GRID2: variants seen among roughly 807,000 people sequenced by gnomAD.
GRID2 encodes the protein glutamate receptor ionotropic, delta-2.
A neutral mutation model predicts 114.8 loss-of-function variants in GRID2; 33 were observed. That is an observed-to-expected ratio of 0.29 (90% CI 0.22 to 0.38). GRID2 has a LOEUF of 0.38. GRID2 is among the 10% of genes least tolerant of loss of function. The pLI is 1.00. For synonymous variants in GRID2, 505 were observed against 449.9 expected, an observed-to-expected ratio of 1.12 and a Z score of -1.55; for missense variants, 1,184 against 1,257.7, an observed-to-expected ratio of 0.94 and a Z score of 0.89.
chr4:92,735,152 A>T (rs1415260524), intron 2 of GRID2, among the ~76,000 whole-genome samples: 1 of 152,074 alleles, frequency 6.6e-6, no homozygotes, highest in East Asian at 1.9e-4. Context: ...CCAATTTAAT[A>T]TTAATCCTTT....
intron 14 of GRID2, among the ~76,000 whole-genome samples, chr4:93,661,443 ACTC>A (rs1293822655): frequency 2.0e-5 from 3 of 152,024 alleles, no homozygotes; most frequent in African/African-American, 7.3e-5. Flanking sequence ...GCTGTCTGAT[ACTC>A]CTAAGTGCAA....
chr4:93,670,751 C>T (rs1724339755), intron 14 of GRID2, among the ~76,000 whole-genome samples: 2 of 152,166 alleles, frequency 1.3e-5, no homozygotes, highest in South Asian at 2.1e-4. Flanking sequence ...TTGTTAGTGA[C>T]ATGGTTGTTT....
intron 2 of GRID2, among the ~76,000 whole-genome samples, chr4:92,997,131 A>G (rs930658941): frequency 1.1e-4 from 16 of 152,176 alleles, no homozygotes; most frequent in Non-Finnish European, 1.8e-4. Flanking sequence ...TTAATAATTG[A>G]GATGTAGTAG....
intron 14 of GRID2, among the ~76,000 whole-genome samples, chr4:93,721,394 ATGTG>A (rs1258003755): frequency 6.6e-6 from 1 of 152,206 alleles, no homozygotes; most frequent in Non-Finnish European, 1.5e-5. Context: ...CAGGCTAACT[ATGTG>A]TGCAGGAAGA....
chr4:92,600,089 T>TATATATATATATA (rs1729154849), intron 2 of GRID2, among the ~76,000 whole-genome samples: 25 of 134,748 alleles, frequency 1.9e-4, no homozygotes, highest in Non-Finnish European at 2.7e-4. Flanking sequence ...TATATATATA[T>TATATATATATATA]TTCTCAGAAT....
intron 1 of GRID2, among the ~76,000 whole-genome samples, chr4:92,575,341 G>A (rs531297684): frequency 5.9e-5 from 9 of 152,308 alleles, no homozygotes; most frequent in Admixed American, 1.3e-4. Context: ...CCTCAGCCCA[G>A]TTCTGAGCCC....
Position 93,608,783 on chromosome 4 carries a change from TGTC to T in GRID2, c.2194-17485_2194-17483del, listed in dbSNP as rs1189513355. On this transcript the variant is annotated intron_variant, in intron 13 of 15. Coordinates refer to ENST00000282020, the MANE Select transcript of GRID2 (RefSeq NM_001510.4). ...GCCGCAATAAACATACGGGTGCATG[TGTC>T]TTTATAGCAGCATGATTTATAGTCA... Among the ~76,000 whole-genome samples the T allele has an allele frequency of 2.2e-5, 3 of 137,094 alleles. 1 individual carries two copies. The highest frequency in any genetic ancestry group is 4.9e-5 in the Non-Finnish European group (3 of 61,770). The allele number at this position is 137,094 out of a possible 152,430, so 89.9% of individuals were successfully genotyped here.
At chr4:92,466,179 A>G in intron 1 of GRID2, among the ~76,000 whole-genome samples, 1 of 151,890 alleles carries the variant, frequency 6.6e-6, no homozygotes, top group Admixed American at 6.6e-5. Context: ...TCAGATCAGG[A>G]TGCTTAGCAT....
At chr4:92,681,011 T>A (rs1261372480) in intron 2 of GRID2, among the ~76,000 whole-genome samples, 1 of 152,068 alleles carries the variant, frequency 6.6e-6, no homozygotes, top group Admixed American at 6.6e-5. Context: ...AATACCTATA[T>A]TTAAAGAATA....
intron 4 of GRID2, among the ~76,000 whole-genome samples, chr4:93,189,138 T>C (rs1740727079): frequency 6.6e-6 from 1 of 152,216 alleles, no homozygotes; most frequent in African/African-American, 2.4e-5. Context: ...TTTTAAGTTA[T>C]TTGTTATAGC....
At chr4:93,767,107 C>A (rs2110329246) in intron 14 of GRID2, among the ~76,000 whole-genome samples, 1 of 152,216 alleles carries the variant, frequency 6.6e-6, no homozygotes, top group Non-Finnish European at 1.5e-5. Flanking sequence ...ATTTCTTAAA[C>A]CTGTTACTTG....
chr4:93,341,327 A>AT lies in GRID2; in HGVS notation c.1246-54269dup, dbSNP rs5860327. ...TTTGTAGCCTCTTAGTCCTTCTACTATTTTTTTTTTTCTTTGAGACAGAGT... is the reference window on the plus strand; with the variant it reads ...TTTGTAGCCTCTTAGTCCTTCTACTATTTTTTTTTTTTCTTTGAGACAGAGT... On this transcript the variant is annotated intron_variant, in intron 8 of 15. Transcript: ENST00000282020. Among the ~76,000 whole-genome samples, 185 of 146,952 alleles carry AT rather than the reference A, an allele frequency of 1.3e-3. No individual in the cohort carries two copies. The East Asian group carries it at 0.019, about 15-fold the overall frequency.
intron 2 of GRID2, among the ~76,000 whole-genome samples, chr4:92,894,409 C>G (rs1422154446): frequency 6.6e-6 from 1 of 152,026 alleles, no homozygotes; most frequent in Non-Finnish European, 1.5e-5. Context: ...GGAGGATAGA[C>G]TATAAACCAA....
At chr4:92,979,181 CAAAA>C (rs908851373) in intron 2 of GRID2, among the ~76,000 whole-genome samples, 2 of 151,562 alleles carry the variant, frequency 1.3e-5, no homozygotes, top group Admixed American at 6.6e-5. Context: ...GCATTACTAA[CAAAA>C]AAACCTAAAA....
chr4:92,852,247 AG>A (rs1243284715), intron 2 of GRID2, among the ~76,000 whole-genome samples: 1 of 151,818 alleles, frequency 6.6e-6, no homozygotes, highest in Admixed American at 6.6e-5. Flanking sequence ...CTATTTTACT[AG>A]GAATTCCTCA....
intron 1 of GRID2, among the ~76,000 whole-genome samples, chr4:92,364,608 T>C (rs1016813431): frequency 6.6e-6 from 1 of 151,954 alleles, no homozygotes; most frequent in Admixed American, 6.6e-5. Flanking sequence ...AAAGGGTGAA[T>C]CACTGTTGGC....
intron 2 of GRID2, among the ~76,000 whole-genome samples, chr4:93,074,478 G>C (rs923694989): frequency 6.6e-6 from 1 of 152,120 alleles, no homozygotes; most frequent in South Asian, 2.1e-4. Context: ...GGGAAATTCA[G>C]CAGAAAGAAG....
intron 8 of GRID2, among the ~76,000 whole-genome samples, chr4:93,292,619 C>T (rs993577988): frequency 6.6e-6 from 1 of 152,108 alleles, no homozygotes; most frequent in Non-Finnish European, 1.5e-5. Flanking sequence ...GCCAGTCACT[C>T]CATTCTTGCC....
intron 2 of GRID2, among the ~76,000 whole-genome samples, chr4:93,043,228 T>A (rs529966602): frequency 1.3e-3 from 205 of 152,288 alleles, no homozygotes; most frequent in Admixed American, 1.9e-3. Context: ...CATTCAGAAA[T>A]CAAACTGCAG....
Sources: gnomAD v4.1 joint callset for allele counts (sites outside exome capture counted in the v4.1 genomes callset) on GRCh38, gnomAD v4.1.1 for gene constraint, MANE v1.5 for transcripts, NCBI Gene and HGNC (gene_info 2026-07-23, HGNC 2026-07-21) for gene names.